TTC5: variants seen among roughly 807,000 people sequenced by gnomAD.
TTC5 encodes tetratricopeptide repeat protein 5.
Under a neutral mutation model 57.4 loss-of-function variants are expected in TTC5, and 46 were observed. The observed-to-expected ratio is 0.80, with a 90% confidence interval of 0.63 to 1.03. The LOEUF (loss-of-function observed/expected upper bound fraction) is 1.03. Ranked by LOEUF, TTC5 falls within the 50% of genes least tolerant of loss-of-function variation. TTC5 has a pLI of 0.00. For missense variants in TTC5, 504 were observed against 528.1 expected, an observed-to-expected ratio of 0.95 and a Z score of 0.45; for synonymous variants, 190 against 203.5, an observed-to-expected ratio of 0.93 and a Z score of 0.57.
intron 5 of TTC5, among the ~76,000 whole-genome samples, chr14:20,297,932 G>A (rs535229089): frequency 1.3e-5 from 2 of 152,328 alleles, no homozygotes; most frequent in African/African-American, 4.8e-5. Flanking sequence ...AAAAAGGGCA[G>A]TTTAAAGTCA....
At chr14:20,299,996 G>A (rs1163302550) in intron 3 of TTC5, among the ~76,000 whole-genome samples, 1 of 147,782 alleles carries the variant, frequency 6.8e-6, no homozygotes, top group African/African-American at 2.5e-5. Context: ...ATACAACCAT[G>A]CCCATCTAAT....
intron 6 of TTC5, 66 bp from the exon 7 acceptor site, chr14:20,295,920 T>C (rs952694866): frequency 3.5e-6 from 5 of 1,432,782 alleles, no homozygotes; most frequent in South Asian, 1.5e-5. Flanking sequence ...AATGGCACCA[T>C]GGGCTAGGAA....
Position 20,300,650 on chromosome 14 carries a change from T to A in TTC5, c.353A>T (p.Asp118Val). The stretch of plus-strand genomic sequence containing the variant: ...GAAGCAGGTGTGGGCAGCTGCAACA[T>A]CCCCTTTTTTCCAGTACACCTCACC... Reference protein sequence around the residue: ...QLGEVYWKKGDVAAAHTCFSG... With the variant: ...QLGEVYWKKGVVAAAHTCFSG... The change falls in exon 3 of 10, where the codon GAT (aspartate) becomes GTT (valine). Residue 118 changes from aspartate to valine, a missense_variant. Coordinates refer to ENST00000258821, the MANE Select transcript of TTC5 (RefSeq NM_138376.3). 4 of 1,613,848 alleles carry A rather than the reference T, an allele frequency of 2.5e-6. No homozygotes were observed. Among genetic ancestry groups the A allele is most frequent in the Non-Finnish European group, 3.4e-6 (4 of 1,179,984 alleles).
rs529246247 is a variant in TTC5, at chr14:20,288,736, A to C, written c.*891T>G. On this transcript the variant is annotated 3_prime_UTR_variant, in exon 10 of 10. Coordinates refer to ENST00000258821, the MANE Select transcript of TTC5 (RefSeq NM_138376.3). ...CCAATTCAATTGGTTATTAATCCTC[A>C]CTCACATTTCTCCATTTTACCACAA... 1.3e-5 allele frequency: 2 copies of C among 152,120 alleles called. No individual in the cohort carries two copies. Among genetic ancestry groups the C allele is most frequent in the Non-Finnish European group, 2.9e-5 (2 of 68,030 alleles). 9.4% of individuals were successfully genotyped at this position (152,120 alleles called of 1,614,324 possible). A position where few individuals can be genotyped will look rare whatever the true frequency, so the allele number is the denominator to read the frequency against.
intron 1 of TTC5, 131 bp downstream of exon 1, chr14:20,305,756 T>C: frequency 1.0e-6 from 1 of 963,626 alleles, no homozygotes; most frequent in Non-Finnish European, 1.6e-6. Context: ...CCTCGAGGGT[T>C]GTTATAGTAA....
intron 1 of TTC5, 73 bp from the exon 2 acceptor site, chr14:20,302,038 A>C: frequency 3.9e-6 from 6 of 1,540,600 alleles, no homozygotes; most frequent in Non-Finnish European, 5.4e-6. Flanking sequence ...GGCTAGCCAT[A>C]CCAGCTCTTG....
chr14:20,292,848 T>TA (rs978920840), intron 8 of TTC5: 2 of 152,008 alleles, frequency 1.3e-5, no homozygotes, highest in Non-Finnish European at 2.9e-5. Context: ...TCTTAAAGGG[T>TA]AAAAAACCAG....
rs960536371 is a variant in TTC5, at chr14:20,286,803, T to C, written c.*2824A>G. The stretch of plus-strand genomic sequence containing the variant: ...ACAAACGATTAGTACAGGGAATATA[T>C]AAATCAATTTGACATCCAATACAGC... On this transcript the variant is annotated 3_prime_UTR_variant, in exon 10 of 10. Transcript: ENST00000258821. 2.0e-5 allele frequency: 3 copies of C among 151,106 alleles called. No individual in the cohort carries two copies. The highest frequency in any genetic ancestry group is 7.3e-5 in the African/African-American group (3 of 41,124). 9.4% of individuals were successfully genotyped at this position (151,106 alleles called of 1,614,324 possible). A position where few individuals can be genotyped will look rare whatever the true frequency, so the allele number is the denominator to read the frequency against.
intron 6 of TTC5, among the ~76,000 whole-genome samples, chr14:20,296,069 T>C (rs1882056168): frequency 6.6e-6 from 1 of 152,222 alleles, no homozygotes; most frequent in Non-Finnish European, 1.5e-5. Flanking sequence ...TCAAAGAAGC[T>C]AATTTCCAAA....
chr14:20,298,572 G>A (rs928335586), intron 5 of TTC5, among the ~76,000 whole-genome samples: 5 of 152,006 alleles, frequency 3.3e-5, no homozygotes, highest in African/African-American at 1.2e-4. Flanking sequence ...GACAGGTCAA[G>A]GAGCTATCCA....
At position 20,289,564 on chromosome 14, in the gene TTC5, G is replaced by A. The variant is rs1881910102; in HGVS notation, c.*63C>T. On this transcript the variant is annotated 3_prime_UTR_variant, in exon 10 of 10. Coordinates refer to ENST00000258821, the MANE Select transcript of TTC5 (RefSeq NM_138376.3). ...CCCTGCTGAATCACTGGATGTGGCT[G>A]GACCGGCTGTCCAGAGCCTTGTCTC... The A allele has an allele frequency of 6.5e-7, 1 of 1,545,050 alleles. No individual in the cohort carries two copies.
At chr14:20,301,435 A>G (rs1882188081) in intron 2 of TTC5, among the ~76,000 whole-genome samples, 1 of 152,214 alleles carries the variant, frequency 6.6e-6, no homozygotes, top group Admixed American at 6.5e-5. Context: ...AGGGGGTTAG[A>G]CTTCAGCTAG....
At position 20,296,463 on chromosome 14, in the gene TTC5, A is replaced by G. The variant is rs1882066223; in HGVS notation, c.640-17T>C. 3 of 1,593,894 alleles carry G rather than the reference A, an allele frequency of 1.9e-6. No individual in the cohort carries two copies. In the African/African-American group the frequency reaches 4.0e-5, roughly 21 times the overall value. On this transcript the variant is annotated splice_polypyrimidine_tract_variant and intron_variant, in intron 5 of 9. Coordinates refer to ENST00000258821, the MANE Select transcript of TTC5 (RefSeq NM_138376.3). ...AACTTTCTCCTATAATGGGATGAAA[A>G]GATTATCAGTGGATCCTGTCTCAAT...
At chr14:20,297,419 G>C (rs1327118458) in intron 5 of TTC5, among the ~76,000 whole-genome samples, 8 of 152,264 alleles carry the variant, frequency 5.3e-5, no homozygotes, top group African/African-American at 1.9e-4. Flanking sequence ...AATTAAAATT[G>C]TTTAAATGGT....
chr14:20,299,274 T>C (rs1882131579), intron 4 of TTC5, 24 bp downstream of exon 4: 1 of 1,608,406 alleles, frequency 6.2e-7, no homozygotes, highest in Non-Finnish European at 8.5e-7. Flanking sequence ...AGAAACCTGT[T>C]GGAGATCTTT....
chr14:20,289,537 A>G lies in TTC5; in HGVS notation c.*90T>C. On this transcript the variant is annotated 3_prime_UTR_variant, in exon 10 of 10. Transcript: ENST00000258821. ...AGTCTTCATTTAAAACATTCCTCCCATCCCTGCTGAATCACTGGATGTGGC... is the reference window on the plus strand; with the variant it reads ...AGTCTTCATTTAAAACATTCCTCCCGTCCCTGCTGAATCACTGGATGTGGC... 1.4e-6 allele frequency: 2 copies of G among 1,466,958 alleles called. No individual in the cohort carries two copies. Among genetic ancestry groups the G allele is most frequent in the East Asian group, 4.6e-5 (2 of 43,634 alleles). The allele number at this position is 1,466,958 out of a possible 1,614,324, so 90.9% of individuals were successfully genotyped here.
chr14:20,304,419 T>C (rs534317638), intron 1 of TTC5, among the ~76,000 whole-genome samples: 13 of 152,350 alleles, frequency 8.5e-5, no homozygotes. Context: ...GCACCCCAGA[T>C]GACTGTAATG....
At chr14:20,297,636 T>C (rs1882093402) in intron 5 of TTC5, among the ~76,000 whole-genome samples, 1 of 152,018 alleles carries the variant, frequency 6.6e-6, no homozygotes, top group South Asian at 2.1e-4. Context: ...GCGGGCATGG[T>C]GTGGCACGTG....
At position 20,295,292 on chromosome 14, in the gene TTC5, G is replaced by T. The variant is rs756506292; in HGVS notation, c.1058+20C>A. The T allele has an allele frequency of 4.1e-5, 66 of 1,611,518 alleles. No homozygotes were observed. The South Asian group carries it at 5.1e-4, about 12-fold the overall frequency. ...ATTAGTTCAAAAGGGTAAAATGGGG[G>T]AAATCCAAGAGAAACTCACAAGGGG... On this transcript the variant is annotated intron_variant, in intron 8 of 9. Coordinates refer to ENST00000258821, the MANE Select transcript of TTC5 (RefSeq NM_138376.3).
Sources: allele counts gnomAD v4.1 joint callset (sites outside exome capture counted in the v4.1 genomes callset), GRCh38; gene constraint gnomAD v4.1.1; transcripts MANE v1.5; gene names NCBI Gene and HGNC (gene_info 2026-07-23, HGNC 2026-07-21).